Variants in MGAM observed in about 807,000 individuals in gnomAD.
MGAM encodes maltase-glucoamylase.
In MGAM, 253 loss-of-function variants were observed where a neutral mutation model predicts 358.8. The observed-to-expected ratio is 0.71, with a 90% confidence interval of 0.64 to 0.78. The LOEUF is 0.78. Among genes scored for constraint, MGAM ranks in the 30% least tolerant of loss-of-function variants. The pLI, the probability that MGAM is intolerant of heterozygous loss-of-function variation, is 0.00. For missense variants in MGAM, 3,080 were observed against 3,432.6 expected, an observed-to-expected ratio of 0.90 and a Z score of 2.57; for synonymous variants, 1,105 against 1,227.1, an observed-to-expected ratio of 0.90 and a Z score of 2.08.
chr7:142,038,500 A>G (rs764041487), intron 18 of MGAM, 31 bp from the exon 19 acceptor site: 1 of 1,549,486 alleles, frequency 6.5e-7, no homozygotes, highest in Admixed American at 1.8e-5. Flanking sequence ...CAGTGGCTCA[A>G]ATCTCAGTGA....
intron 57 of MGAM, among the ~76,000 whole-genome samples, chr7:142,089,004 C>G (rs35295955): frequency 0.1 from 7,395 of 70,782 alleles, 628 homozygotes; most frequent in Middle Eastern, 0.27. Context: ...ATGTATCTAT[C>G]TATCTATCTA....
Position 142,063,595 on chromosome 7 carries a change from C to G in MGAM, c.4345+9C>G, listed in dbSNP as rs1243139146. The G allele has an allele frequency of 7.4e-6, 12 of 1,611,720 alleles. No homozygotes were observed. Among genetic ancestry groups the G allele is most frequent in the East Asian group, 2.2e-5 (1 of 44,798 alleles). Reference sequence around the variant, plus strand: ...CCCTCCCTACATGCCACGTAAGAAGCCTTGGCCTCCTTGACTGGCAGAGCC... The same window carrying G: ...CCCTCCCTACATGCCACGTAAGAAGGCTTGGCCTCCTTGACTGGCAGAGCC... On this transcript the variant is annotated intron_variant, in intron 36 of 70. Coordinates refer to ENST00000475668, the MANE Select transcript of MGAM (RefSeq NM_001365693.1).
chr7:141,987,043 G>A (rs1235134812), intron 2 of MGAM, among the ~76,000 whole-genome samples: 1 of 152,142 alleles, frequency 6.6e-6, no homozygotes, highest in African/African-American at 2.4e-5. Context: ...ATTTATACTG[G>A]ACAATGGAGA....
chr7:142,076,554 A>G lies in MGAM; in HGVS notation c.5326-105A>G, dbSNP rs1207489672. 2.7e-5 allele frequency: 29 copies of G among 1,080,106 alleles called. 2 individuals are homozygous for G. The highest frequency in any genetic ancestry group is 3.3e-5 in the Non-Finnish European group (24 of 725,082). 66.9% of individuals were successfully genotyped at this position (1,080,106 alleles called of 1,614,324 possible). A position where few individuals can be genotyped will look rare whatever the true frequency, so the allele number is the denominator to read the frequency against. ...TAGTAGAGAAAGCAGAGAGGCATTC[A>G]TGGCAGTGGGGGGTATCCAGTCTGG... On this transcript the variant is annotated intron_variant, in intron 46 of 70. Transcript: ENST00000475668.
intron 23 of MGAM, 94 bp from the exon 24 acceptor site, chr7:142,050,603 G>C (rs1201684595): frequency 1.2e-5 from 16 of 1,283,708 alleles, no homozygotes; most frequent in Admixed American, 6.4e-5. Flanking sequence ...ATGGCAGTGG[G>C]GGGTATCCGG....
At position 142,082,075 on chromosome 7, in the gene MGAM, T is replaced by C. The variant is rs1338359301; in HGVS notation, c.6036T>C (p.Asn2012=). The change falls in exon 51 of 71, where the codon AAT becomes AAC. Residue 2012 remains asparagine (N), a synonymous_variant. Coordinates refer to ENST00000475668, the MANE Select transcript of MGAM (RefSeq NM_001365693.1). Reference sequence around the variant, plus strand: ...CTCAGCTCCTTGGCTTCACCTTCAATGACATGTTTATCCGCATCTCCACCC... The same window carrying C: ...CTCAGCTCCTTGGCTTCACCTTCAACGACATGTTTATCCGCATCTCCACCC... ...WDSQLLGFTF[N]DMFIRISTRL... 67 of 1,555,966 alleles carry C rather than the reference T, an allele frequency of 4.3e-5. 14 individuals are homozygous for C. Among genetic ancestry groups the C allele is most frequent in the Non-Finnish European group, 5.7e-5 (64 of 1,132,544 alleles).
intron 1 of MGAM, among the ~76,000 whole-genome samples, chr7:142,000,703 A>G (rs1158614343): frequency 2.6e-5 from 4 of 152,200 alleles, no homozygotes; most frequent in Admixed American, 6.5e-5. Context: ...TAATACTGTG[A>G]TGAAAAACCT....
At chr7:142,057,670 G>C (rs1811693860) in intron 30 of MGAM, among the ~76,000 whole-genome samples, 1 of 151,906 alleles carries the variant, frequency 6.6e-6, no homozygotes, top group African/African-American at 2.4e-5. Context: ...GGTGATGATG[G>C]TGATGATGAC....
intron 3 of MGAM, among the ~76,000 whole-genome samples, chr7:142,018,435 T>C (rs1366791430): frequency 3.9e-5 from 6 of 152,226 alleles, no homozygotes; most frequent in Non-Finnish European, 8.8e-5. Flanking sequence ...TGTGATCTAA[T>C]CTTGAAAGCA....
intron 41 of MGAM, 84 bp from the exon 42 acceptor site, chr7:142,067,257 T>A: frequency 1.8e-6 from 2 of 1,108,902 alleles, no homozygotes; most frequent in Admixed American, 3.9e-5. Flanking sequence ...ATTTCCGACT[T>A]GGATCTGAAC....
chr7:142,094,522 G>T (rs527837276), intron 61 of MGAM, 25 bp downstream of exon 61: 6 of 1,553,826 alleles, frequency 3.9e-6, no homozygotes, highest in South Asian at 3.4e-5. Flanking sequence ...CCCAGGGCCT[G>T]TGCCGGTAGG....
rs747032121 is a variant in MGAM at position 142,080,524 on chromosome 7, C to T, written c.5848-267C>T. On this transcript the variant is annotated intron_variant, in intron 49 of 70. Coordinates refer to ENST00000475668, the MANE Select transcript of MGAM (RefSeq NM_001365693.1). ...ACAAGTAACATATTCATAAATACCA[C>T]GCTGATTCCAGAATGATTTTCTACG... 6.2e-5 allele frequency among the ~76,000 whole-genome samples: 9 copies of T among 146,244 alleles called. 2 individuals are homozygous for T. The South Asian group carries it at 1.1e-3, about 18-fold the overall frequency.
chr7:142,104,435 A>G lies in MGAM; in HGVS notation c.8184+996A>G, dbSNP rs1292014896. ...GTATTTATTATTATTTAGAAGAAAA[A>G]TATGTGTTACAAATTGGTTAAGATA... On this transcript the variant is annotated intron_variant, in intron 70 of 70. Coordinates refer to ENST00000475668, the MANE Select transcript of MGAM (RefSeq NM_001365693.1). 3.9e-5 allele frequency among the ~76,000 whole-genome samples: 6 copies of G among 152,304 alleles called. 1 individual carries two copies. The South Asian group carries it at 1.0e-3, about 26-fold the overall frequency.
Position 142,080,428 on chromosome 7 carries a change from G to A in MGAM, c.5848-363G>A, listed in dbSNP as rs1197003770. ...TTTAATCAAATAGATTTCACTTTGG[G>A]GAGACACGTTATTTTTCAATTCAGA... On this transcript the variant is annotated intron_variant, in intron 49 of 70. Transcript: ENST00000475668. Among the ~76,000 whole-genome samples, 3 of 145,974 alleles carry A rather than the reference G, an allele frequency of 2.1e-5. 1 individual carries two copies. In the East Asian group the frequency reaches 6.1e-4, roughly 30 times the overall value.
At chr7:142,001,556 A>G (rs1285938) in intron 1 of MGAM, among the ~76,000 whole-genome samples, 90,202 of 152,114 alleles carry the variant, frequency 0.59, 27,708 homozygotes, top group East Asian at 0.79. Context: ...GAAAGCAAGC[A>G]TTGGTGGGTT....
At chr7:142,053,608 A>G (rs1293281145) in intron 26 of MGAM, among the ~76,000 whole-genome samples, 1 of 152,088 alleles carries the variant, frequency 6.6e-6, no homozygotes, top group Non-Finnish European at 1.5e-5. Context: ...ACTAGCTGTG[A>G]TGTCTATTTT....
chr7:141,994,840 T>A (rs1010042193), upstream of MGAM, among the ~76,000 whole-genome samples: 8 of 152,212 alleles, frequency 5.3e-5, no homozygotes, highest in African/African-American at 1.9e-4. Flanking sequence ...TCCACCATGA[T>A]TGTTTCCTGA....
At position 142,055,613 on chromosome 7, in the gene MGAM, A is replaced by G. The variant is rs750489666; in HGVS notation, c.3370A>G (p.Thr1124Ala). The change falls in exon 28 of 71, where the codon ACC (threonine) becomes GCC (alanine). Residue 1124 changes from threonine to alanine, a missense_variant. Physicochemically the swap from Thr to Ala is moderately conservative, Grantham distance 58. Coordinates refer to ENST00000475668, the MANE Select transcript of MGAM (RefSeq NM_001365693.1). ...TFSDMFIRIS[T>A]RLPSKYLYGF... ...CAGTGACATGTTTATCCGCATCTCCACCCGCCTTCCCTCCAAGTACCTCTA... is the reference window on the plus strand; with the variant it reads ...CAGTGACATGTTTATCCGCATCTCCGCCCGCCTTCCCTCCAAGTACCTCTA... 1.2e-6 allele frequency: 2 copies of G among 1,613,606 alleles called. No individual in the cohort carries two copies. Among genetic ancestry groups the G allele is most frequent in the South Asian group, 2.2e-5 (2 of 91,046 alleles).
chr7:142,022,091 C>T (rs1554459081), intron 6 of MGAM, among the ~76,000 whole-genome samples, 177 bp from the exon 7 acceptor site: 1 of 152,090 alleles, frequency 6.6e-6, no homozygotes, highest in African/African-American at 2.4e-5. Context: ...CACATGGTCC[C>T]TTTCTTCAAG....
Sources: allele counts gnomAD v4.1 joint callset (sites outside exome capture counted in the v4.1 genomes callset), GRCh38; gene constraint gnomAD v4.1.1; transcripts MANE v1.5; gene names NCBI Gene and HGNC (gene_info 2026-07-23, HGNC 2026-07-21).